ATXN1: variants seen among roughly 807,000 people sequenced by gnomAD.
ATXN1 encodes ataxin 1, also known as ataxin-1.
A neutral mutation model predicts 56.4 loss-of-function variants in ATXN1; 8 were observed. The ratio of observed to expected loss-of-function variants is 0.14; its 90% CI spans 0.08 to 0.26. The LOEUF (loss-of-function observed/expected upper bound fraction) is 0.26, where lower values mean the gene tolerates loss of function less well. Among genes scored for constraint, ATXN1 ranks in the 10% least tolerant of loss-of-function variants. ATXN1 has a pLI of 1.00. For synonymous variants in ATXN1, 514 were observed against 494.6 expected (o/e 1.04, Z -0.52); for missense variants, 987 against 1,106.5 (o/e 0.89, Z 1.53).
At chr6:16,350,328 A>C (rs1015840573) in intron 6 of ATXN1, among the ~76,000 whole-genome samples, 2 of 152,250 alleles carry the variant, frequency 1.3e-5, no homozygotes, top group African/African-American at 4.8e-5. Flanking sequence ...AATGCCTAGC[A>C]TAAGAAAAAA....
At chr6:16,761,065 TACACACACACAC>T (rs3831007) in intron 1 of ATXN1, 2 of 324,010 alleles carry the variant, frequency 6.2e-6, no homozygotes, top group Non-Finnish European at 1.2e-5. Context: ...TGTACACACA[TACACACACACAC>T]ACACACACAC....
At chr6:16,629,777 C>A (rs577162996) in intron 3 of ATXN1, among the ~76,000 whole-genome samples, 1 of 151,354 alleles carries the variant, frequency 6.6e-6, no homozygotes, top group African/African-American at 2.4e-5. Flanking sequence ...ACTAGCTGGA[C>A]GTGGTGGTGT....
intron 2 of ATXN1, among the ~76,000 whole-genome samples, chr6:16,661,996 T>A (rs1758330332): frequency 6.6e-6 from 1 of 152,196 alleles, no homozygotes; most frequent in South Asian, 2.1e-4. Context: ...CCACTAAGAT[T>A]TGGAGTAATT....
chr6:16,755,265 G>A (rs908921648), intron 1 of ATXN1, among the ~76,000 whole-genome samples: 7 of 152,152 alleles, frequency 4.6e-5, no homozygotes, highest in Non-Finnish European at 7.4e-5. Context: ...ATAATACAGA[G>A]AGTTTACATA....
At position 16,493,446 on chromosome 6, in the gene ATXN1, G is replaced by GTT. The variant is rs1174959883; in HGVS notation, c.-298-7339_-298-7338dup. Among the ~76,000 whole-genome samples, 603 of 115,426 alleles carry GTT rather than the reference G, an allele frequency of 5.2e-3. 17 individuals are homozygous for GTT. Among genetic ancestry groups the GTT allele is most frequent in the Admixed American group, 0.044 (499 of 11,374 alleles). The allele number at this position is 115,426 out of a possible 152,430, so 75.7% of individuals were successfully genotyped here. On this transcript the variant is annotated intron_variant, in intron 5 of 7. Coordinates refer to ENST00000436367, the MANE Select transcript of ATXN1 (RefSeq NM_001128164.2). Reference sequence around the variant, plus strand: ...TATTCTACAACTTTCTCAATCAGAAGTTTTTTTTTTTTTTTTTTTGGTTGT... The same window carrying GTT: ...TATTCTACAACTTTCTCAATCAGAAGTTTTTTTTTTTTTTTTTTTTTGGTTGT...
At chr6:16,543,426 A>C (rs370065613) in intron 4 of ATXN1, among the ~76,000 whole-genome samples, 62 of 152,330 alleles carry the variant, frequency 4.1e-4, no homozygotes, top group African/African-American at 1.4e-3. Flanking sequence ...TAAAAATTTT[A>C]AATGAACATC....
chr6:16,617,639 C>T (rs1288241495), intron 3 of ATXN1, among the ~76,000 whole-genome samples: 3 of 151,780 alleles, frequency 2.0e-5, no homozygotes, highest in Non-Finnish European at 2.9e-5. Flanking sequence ...TGGTGGCGGG[C>T]GCCTGCAGTC....
At chr6:16,704,895 A>C (rs1759373551) in intron 2 of ATXN1, among the ~76,000 whole-genome samples, 1 of 152,206 alleles carries the variant, frequency 6.6e-6, no homozygotes, top group African/African-American at 2.4e-5. Flanking sequence ...CTAAGCACTC[A>C]GCGAGGGGGA....
intron 6 of ATXN1, among the ~76,000 whole-genome samples, chr6:16,457,386 G>GAA (rs767195953): frequency 1.2e-4 from 16 of 129,598 alleles, no homozygotes; most frequent in Non-Finnish European, 1.2e-4. Context: ...AGGGAGAAGA[G>GAA]AAAAAAAAAA....
intron 3 of ATXN1, among the ~76,000 whole-genome samples, chr6:16,611,352 A>C (rs2113790759): frequency 6.6e-6 from 1 of 152,356 alleles, no homozygotes; most frequent in South Asian, 2.1e-4. Flanking sequence ...AATATAAGGT[A>C]TGAGTATTAC....
At chr6:16,584,223 C>CATATATATATATATATATATATATAT (rs746676585) in intron 4 of ATXN1, among the ~76,000 whole-genome samples, 6 of 80,686 alleles carry the variant, frequency 7.4e-5, no homozygotes, top group Non-Finnish European at 1.5e-4. Flanking sequence ...CGATATTGGA[C>CATATATATATATATATATATATATAT]ATATATATAT....
intron 3 of ATXN1, among the ~76,000 whole-genome samples, chr6:16,654,024 C>T (rs772486559): frequency 6.6e-6 from 1 of 152,126 alleles, no homozygotes; most frequent in African/African-American, 2.4e-5. Flanking sequence ...GATTCATAAG[C>T]CTGGTGTTGC....
At chr6:16,561,140 TC>T (rs1215169712) in intron 4 of ATXN1, among the ~76,000 whole-genome samples, 1 of 152,106 alleles carries the variant, frequency 6.6e-6, no homozygotes, top group African/African-American at 2.4e-5. Context: ...TTTCTCTGAA[TC>T]CCTGATGCCT....
intron 3 of ATXN1, among the ~76,000 whole-genome samples, chr6:16,588,539 A>G (rs1762668196): frequency 6.6e-6 from 1 of 152,208 alleles, no homozygotes; most frequent in African/African-American, 2.4e-5. Context: ...TTCCTCAGCC[A>G]GGTCACCACC....
At chr6:16,514,940 G>A (rs894059804) in intron 5 of ATXN1, among the ~76,000 whole-genome samples, 2 of 151,476 alleles carry the variant, frequency 1.3e-5, no homozygotes, top group Non-Finnish European at 2.9e-5. Flanking sequence ...CCGAGATCAC[G>A]CCACTGCACT....
intron 3 of ATXN1, among the ~76,000 whole-genome samples, chr6:16,655,654 G>GT (rs1296932397): frequency 6.6e-6 from 1 of 151,884 alleles, no homozygotes; most frequent in East Asian, 1.9e-4. Context: ...CACCACTGCA[G>GT]TCCAGCCTGG....
chr6:16,705,649 T>C (rs1462040055), intron 2 of ATXN1, among the ~76,000 whole-genome samples: 2 of 152,176 alleles, frequency 1.3e-5, no homozygotes, highest in East Asian at 3.9e-4. Flanking sequence ...ATTCTTTCCA[T>C]TCTGTCACTT....
rs3806135 is a variant in ATXN1 at position 16,509,867 on chromosome 6, C to T, written c.-299+12760G>A. On this transcript the variant is annotated intron_variant, in intron 5 of 7. Coordinates refer to ENST00000436367, the MANE Select transcript of ATXN1 (RefSeq NM_001128164.2). Reference sequence around the variant, plus strand: ...TCCCAACTGTTATCTCCCACTTTTCCCCATCACAGGCATACGGGTGGCCCC... The same window carrying T: ...TCCCAACTGTTATCTCCCACTTTTCTCCATCACAGGCATACGGGTGGCCCC... Among the ~76,000 whole-genome samples, 40 of 152,306 alleles carry T rather than the reference C, an allele frequency of 2.6e-4. No individual in the cohort carries two copies. In the East Asian group the frequency reaches 5.8e-3, roughly 22 times the overall value.
At chr6:16,575,350 G>C (rs236921) in intron 4 of ATXN1, among the ~76,000 whole-genome samples, 21,998 of 152,128 alleles carry the variant, frequency 0.14, 3,838 homozygotes, top group African/African-American at 0.42. Context: ...TTTTCATACT[G>C]CTTCCTTCCT....
Sources: allele counts gnomAD v4.1 joint callset (sites outside exome capture counted in the v4.1 genomes callset), GRCh38; gene constraint gnomAD v4.1.1; transcripts MANE v1.5; gene names NCBI Gene and HGNC (gene_info 2026-07-23, HGNC 2026-07-21).